BACH2: variants seen among roughly 807,000 people sequenced by gnomAD.
The protein encoded by BACH2 is transcription regulator protein BACH2.
Under a neutral mutation model 61.8 loss-of-function variants are expected in BACH2, and 5 were observed. The observed-to-expected ratio is 0.08, with a 90% CI of 0.04 to 0.17. The LOEUF is 0.17. Ranked by LOEUF, BACH2 falls within the 10% of genes least tolerant of loss-of-function variation. The probability of loss-of-function intolerance (pLI) is 1.00; values close to 1 mark genes in which losing one functional copy is unlikely to be tolerated. For missense variants in BACH2, 824 were observed against 1,091.1 expected (o/e 0.76, Z 3.45); for synonymous variants, 446 against 440.1 (o/e 1.01, Z -0.17).
intron 4 of BACH2, among the ~76,000 whole-genome samples, chr6:90,131,248 A>G (rs1784068466): frequency 6.6e-6 from 1 of 152,246 alleles, no homozygotes; most frequent in Admixed American, 6.5e-5. Flanking sequence ...CAATGAATTC[A>G]GAAATTCCAC....
At chr6:90,079,749 A>G (rs1781640562) in intron 5 of BACH2, among the ~76,000 whole-genome samples, 1 of 152,164 alleles carries the variant, frequency 6.6e-6, no homozygotes, top group African/African-American at 2.4e-5. Flanking sequence ...AAAGGGCAAT[A>G]AATGGAAAAT....
chr6:90,252,087 A>G (rs1351811544), intron 3 of BACH2, among the ~76,000 whole-genome samples: 2 of 152,252 alleles, frequency 1.3e-5, no homozygotes, highest in Admixed American at 1.3e-4. Context: ...ATGTTGTAAC[A>G]AAACTGGAGT....
chr6:90,202,575 T>TC (rs1768991682), intron 4 of BACH2, among the ~76,000 whole-genome samples: 1 of 152,156 alleles, frequency 6.6e-6, no homozygotes, highest in Non-Finnish European at 1.5e-5. Flanking sequence ...GATCTGAACA[T>TC]AACAAGGAAG....
intron 3 of BACH2, among the ~76,000 whole-genome samples, chr6:90,245,962 C>G: frequency 6.6e-6 from 1 of 152,162 alleles, no homozygotes; most frequent in East Asian, 1.9e-4. Context: ...GAATGCAGCA[C>G]AAAGGGGTGG....
chr6:89,953,208 T>C (rs1481567533), intron 6 of BACH2: 1 of 152,234 alleles, frequency 6.6e-6, no homozygotes, highest in African/African-American at 2.4e-5. Flanking sequence ...AGATTCAACC[T>C]GGACATTCAC....
chr6:89,970,084 T>C (rs1775276610), intron 6 of BACH2, among the ~76,000 whole-genome samples: 1 of 152,164 alleles, frequency 6.6e-6, no homozygotes, highest in Non-Finnish European at 1.5e-5. Context: ...AAAAGAAGAA[T>C]GTTAGATAAA....
chr6:90,293,871 T>G (rs1381992839), intron 1 of BACH2, among the ~76,000 whole-genome samples: 1 of 152,198 alleles, frequency 6.6e-6, no homozygotes, highest in Non-Finnish European at 1.5e-5. Flanking sequence ...AGTTTGCAAA[T>G]AATTAAGCCC....
intron 7 of BACH2, among the ~76,000 whole-genome samples, chr6:89,949,436 TGGGTCCTCTGCA>T (rs1773939302): frequency 6.9e-6 from 1 of 144,450 alleles, no homozygotes; most frequent in African/African-American, 2.6e-5. Flanking sequence ...ATTGGGGAGG[TGGGTCCTCTGCA>T]GGGGCCTCTT....
chr6:89,955,451 GC>G (rs1467752718), intron 6 of BACH2, among the ~76,000 whole-genome samples: 1 of 152,214 alleles, frequency 6.6e-6, no homozygotes, highest in African/African-American at 2.4e-5. Flanking sequence ...GAGGGGACTA[GC>G]AAGGGGGCCC....
intron 7 of BACH2, among the ~76,000 whole-genome samples, chr6:89,949,284 GT>G (rs1773929020): frequency 6.6e-6 from 1 of 152,164 alleles, no homozygotes. Flanking sequence ...TTGTCACTGG[GT>G]TTGTTCAATC....
chr6:89,995,971 T>C (rs958949157), intron 6 of BACH2, among the ~76,000 whole-genome samples: 1 of 152,212 alleles, frequency 6.6e-6, no homozygotes, highest in Non-Finnish European at 1.5e-5. Flanking sequence ...TTGTTCTTAG[T>C]GGAGGAACCA....
chr6:90,102,839 T>TAAA (rs1554246226), intron 4 of BACH2, among the ~76,000 whole-genome samples: 8,787 of 122,132 alleles, frequency 0.072, 400 homozygotes, highest in Non-Finnish European at 0.089. Context: ...ATAATAATAA[T>TAAA]AAAAATAAAA....
rs142097419 is a variant in BACH2 at position 90,088,578 on chromosome 6, C to G, written c.-13+383G>C. On this transcript the variant is annotated intron_variant, in intron 5 of 8. Transcript: ENST00000257749. ...AGTATATACAGTTTTCTACCTTTTTCATTATTTCAAGCACATGAGTTAAAG... is the reference window on the plus strand; with the variant it reads ...AGTATATACAGTTTTCTACCTTTTTGATTATTTCAAGCACATGAGTTAAAG... Among the ~76,000 whole-genome samples, 1,372 of 152,234 alleles carry G rather than the reference C, an allele frequency of 9.0e-3. 11 individuals carry two copies. Among genetic ancestry groups the G allele is most frequent in the Non-Finnish European group, 0.015 (993 of 67,992 alleles).
At chr6:90,230,161 C>T (rs921497394) in intron 3 of BACH2, among the ~76,000 whole-genome samples, 4 of 152,204 alleles carry the variant, frequency 2.6e-5, no homozygotes, top group Admixed American at 6.5e-5. Context: ...GGCCATACTA[C>T]GTGGGTTCAA....
intron 6 of BACH2, among the ~76,000 whole-genome samples, chr6:89,978,338 C>T (rs1385413763): frequency 6.6e-6 from 1 of 152,094 alleles, no homozygotes; most frequent in Non-Finnish European, 1.5e-5. Flanking sequence ...CATAAAAATT[C>T]ACACACCAAC....
At chr6:90,199,245 G>C (rs1039414546) in intron 4 of BACH2, among the ~76,000 whole-genome samples, 10 of 152,304 alleles carry the variant, frequency 6.6e-5, no homozygotes, top group African/African-American at 2.4e-4. Flanking sequence ...CACAAAGAGA[G>C]AACAACGGAA....
At chr6:90,253,244 CA>C (rs200696107) in intron 2 of BACH2, among the ~76,000 whole-genome samples, 16 of 142,088 alleles carry the variant, frequency 1.1e-4, no homozygotes, top group Admixed American at 1.4e-4. Context: ...AATCTTGCCT[CA>C]AAAAAAAAAG....
intron 4 of BACH2, among the ~76,000 whole-genome samples, chr6:90,174,455 A>G (rs921707891): frequency 7.9e-5 from 12 of 152,106 alleles, no homozygotes; most frequent in African/African-American, 2.9e-4. Flanking sequence ...TTTATAATAT[A>G]AATGAAAAGT....
chr6:90,165,334 T>C (rs1462069481), intron 4 of BACH2, among the ~76,000 whole-genome samples: 2 of 152,096 alleles, frequency 1.3e-5, no homozygotes, highest in Admixed American at 1.3e-4. Flanking sequence ...AATAAAATAC[T>C]CAGGAATCCA....
Sources: allele counts gnomAD v4.1 joint callset (sites outside exome capture counted in the v4.1 genomes callset), GRCh38; gene constraint gnomAD v4.1.1; transcripts MANE v1.5; gene names NCBI Gene and HGNC (gene_info 2026-07-23, HGNC 2026-07-21).